RBBP5: variants seen among roughly 807,000 people sequenced by gnomAD.
The protein encoded by RBBP5 is RB binding protein 5, histone lysine methyltransferase complex subunit.
RBBP5 carries 5 observed loss-of-function variants against 72.2 expected under a neutral mutation model. The ratio of observed to expected loss-of-function variants is 0.07; its 90% CI spans 0.04 to 0.15. RBBP5 has a LOEUF of 0.15. RBBP5 is among the 10% of genes least tolerant of loss of function. The probability of loss-of-function intolerance (pLI) is 1.00; values close to 1 mark genes in which losing one functional copy is unlikely to be tolerated. For missense variants in RBBP5, 322 were observed against 652.2 expected, an observed-to-expected ratio of 0.49 and a Z score of 5.51; for synonymous variants, 209 against 237.2, an observed-to-expected ratio of 0.88 and a Z score of 1.09.
intron 11 of RBBP5, 124 bp downstream of exon 11, chr1:205,097,202 C>T (rs1228497509): frequency 2.7e-5 from 25 of 938,710 alleles, no homozygotes; most frequent in Non-Finnish European, 3.9e-5. Flanking sequence ...GTACACCAAA[C>T]GAGTTATCTC....
At position 205,100,408 on chromosome 1, in the gene RBBP5, C is replaced by A; in HGVS notation, c.633-137G>T. On this transcript the variant is annotated intron_variant, in intron 6 of 13. Transcript: ENST00000264515. ...GAATATTTATATATCTACTTGTCATCTCCCAAACCAAAATACAATTTTAAG... is the reference window on the plus strand; with the variant it reads ...GAATATTTATATATCTACTTGTCATATCCCAAACCAAAATACAATTTTAAG... The A allele has an allele frequency of 8.2e-6, 9 of 1,104,002 alleles. No homozygotes were observed. In the South Asian group the frequency reaches 1.5e-4, roughly 18 times the overall value. The allele number at this position is 1,104,002 out of a possible 1,614,324, so 68.4% of individuals were successfully genotyped here.
chr1:205,114,228 T>C (rs1299302780), intron 3 of RBBP5, among the ~76,000 whole-genome samples: 1 of 152,238 alleles, frequency 6.6e-6, no homozygotes, highest in Non-Finnish European at 1.5e-5. Flanking sequence ...TTAGGTCCTT[T>C]TGTTGGCCCC....
intron 1 of RBBP5, chr1:205,116,459 G>GGA (rs1656526361): frequency 5.5e-6 from 1 of 180,838 alleles, no homozygotes; most frequent in Non-Finnish European, 1.2e-5. Context: ...ACATATCCAA[G>GGA]TTAGCAACAG....
chr1:205,097,755 C>T (rs1179816841), intron 10 of RBBP5, among the ~76,000 whole-genome samples: 1 of 152,218 alleles, frequency 6.6e-6, no homozygotes, highest in African/African-American at 2.4e-5. Flanking sequence ...GAACATAACC[C>T]TATAATCTAG....
intron 1 of RBBP5, among the ~76,000 whole-genome samples, chr1:205,116,703 A>G (rs1311144134): frequency 6.6e-6 from 1 of 152,170 alleles, no homozygotes; most frequent in Non-Finnish European, 1.5e-5. Flanking sequence ...AATCCCAGCT[A>G]CTCAGGAGGC....
At chr1:205,109,450 G>GA (rs1321970289) in intron 3 of RBBP5, among the ~76,000 whole-genome samples, 3 of 151,956 alleles carry the variant, frequency 2.0e-5, no homozygotes, top group African/African-American at 7.3e-5. Context: ...AGAGTGAGGA[G>GA]AAAAAAGGAA....
Position 205,094,910 on chromosome 1 carries a change from C to T in RBBP5, c.1551G>A (p.Lys517=). The T allele has an allele frequency of 6.2e-7, 1 of 1,614,172 alleles. No homozygotes were observed. The highest frequency in any genetic ancestry group is 2.2e-5 in the East Asian group (1 of 44,868). ...DRGLPLEGSA[K]GKVQAELSQP... ...GGCTGAGTTCCGCCTGCACTTTACCCTTCGCTGATCCTTCCAGAGGTAAAC... is the reference window on the plus strand; with the variant it reads ...GGCTGAGTTCCGCCTGCACTTTACCTTTCGCTGATCCTTCCAGAGGTAAAC... Residue 517 remains lysine, a synonymous_variant, in exon 13 of 14, where the codon AAG becomes AAA. Transcript: ENST00000264515.
chr1:205,112,132 A>G (rs1170055518), intron 3 of RBBP5, among the ~76,000 whole-genome samples: 2 of 152,178 alleles, frequency 1.3e-5, no homozygotes, highest in African/African-American at 4.8e-5. Context: ...AGCCTGGCCA[A>G]CATGGCAAAA....
intron 13 of RBBP5, among the ~76,000 whole-genome samples, chr1:205,089,569 A>G (rs1397651167): frequency 6.6e-6 from 1 of 152,256 alleles, no homozygotes; most frequent in Non-Finnish European, 1.5e-5. Flanking sequence ...TGGTTAAAAA[A>G]TAATCGCCCA....
At position 205,100,003 on chromosome 1, in the gene RBBP5, G is replaced by T; in HGVS notation, c.814C>A (p.Arg272=). Reference sequence around the variant, plus strand: ...TCCCAGATGTACAGGGCATGCTGCCGGGCAGAACCTGCCACGATGTATTCC... The same window carrying T: ...TCCCAGATGTACAGGGCATGCTGCCTGGCAGAACCTGCCACGATGTATTCC... ...DGEYIVAGSA[R]QHALYIWEKS... Residue 272 remains arginine (R), a synonymous_variant, in exon 8 of 14, where the codon CGG becomes AGG. Transcript: ENST00000264515. The T allele has an allele frequency of 6.2e-7, 1 of 1,614,118 alleles. No individual in the cohort carries two copies. The highest frequency in any genetic ancestry group is 8.5e-7 in the Non-Finnish European group (1 of 1,180,022).
At chr1:205,121,649 A>G (rs1656740332) in intron 1 of RBBP5, among the ~76,000 whole-genome samples, 1 of 152,170 alleles carries the variant, frequency 6.6e-6, no homozygotes, top group African/African-American at 2.4e-5. Context: ...TCCATAATTG[A>G]TATGAAAGTG....
chr1:205,115,732 A>G lies in RBBP5; in HGVS notation c.45+126T>C. ...TTGTACACTAGCTCCTTATTATAGC[A>G]TAAGATATATTATCACACTTAATGC... On this transcript the variant is annotated intron_variant, in intron 2 of 13. Transcript: ENST00000264515. The G allele has an allele frequency of 5.6e-6, 7 of 1,243,606 alleles. No homozygotes were observed. In the South Asian group the frequency reaches 1.5e-4, roughly 27 times the overall value. 77.0% of individuals were successfully genotyped at this position (1,243,606 alleles called of 1,614,324 possible).
intron 1 of RBBP5, among the ~76,000 whole-genome samples, chr1:205,119,810 A>G (rs1192695197): frequency 2.6e-5 from 4 of 152,178 alleles, no homozygotes; most frequent in Non-Finnish European, 5.9e-5. Flanking sequence ...TAGCTAACTT[A>G]TTATCTCCAC....
In RBBP5 at chr1:205,105,102, A is replaced by G. The variant is rs896610510; in HGVS notation, c.285T>C (p.Val95=). 1.2e-6 allele frequency: 2 copies of G among 1,613,906 alleles called. No homozygotes were observed. Among genetic ancestry groups the G allele is most frequent in the African/African-American group, 2.7e-5 (2 of 74,932 alleles). ...ACCTCTGGTCACAGTCGCCTGAAAG[A>G]ACATCCCACTGTGACACTATGTTAT... ...STDNIVSQWD[V]LSGDCDQRFR... Residue 95 remains valine (V), a synonymous_variant, in exon 4 of 14, where the codon GTT becomes GTC. Transcript: ENST00000264515.
chr1:205,092,312 T>A (rs1327408027), intron 13 of RBBP5, among the ~76,000 whole-genome samples: 1 of 152,190 alleles, frequency 6.6e-6, no homozygotes, highest in Admixed American at 6.5e-5. Context: ...GGTTGTTTTT[T>A]AATTATTTTT....
intron 12 of RBBP5, among the ~76,000 whole-genome samples, chr1:205,096,118 G>A (rs559440962): frequency 3.3e-5 from 5 of 152,184 alleles, no homozygotes; most frequent in Non-Finnish European, 7.4e-5. Context: ...GATTGAACCC[G>A]GGAGGCGGAG....
intron 5 of RBBP5, among the ~76,000 whole-genome samples, chr1:205,103,029 C>T (rs928456912): frequency 6.6e-6 from 1 of 150,694 alleles, no homozygotes; most frequent in Non-Finnish European, 1.5e-5. Flanking sequence ...TTTCTAAGGC[C>T]GGGTGCAGTG....
At chr1:205,089,017 C>T (rs1655234724) in intron 13 of RBBP5, among the ~76,000 whole-genome samples, 1 of 152,186 alleles carries the variant, frequency 6.6e-6, no homozygotes, top group African/African-American at 2.4e-5. Flanking sequence ...AAACCCCCCA[C>T]CCCAATACTT....
At chr1:205,093,621 A>T (rs897604579) in intron 13 of RBBP5, among the ~76,000 whole-genome samples, 2 of 148,218 alleles carry the variant, frequency 1.3e-5, no homozygotes, top group Non-Finnish European at 1.5e-5. Context: ...TTGAATGTGG[A>T]CGTGGTAACC....
Sources: gnomAD v4.1 joint callset for allele counts (sites outside exome capture counted in the v4.1 genomes callset) on GRCh38, gnomAD v4.1.1 for gene constraint, MANE v1.5 for transcripts, NCBI Gene and HGNC (gene_info 2026-07-23, HGNC 2026-07-21) for gene names.